The following DROSHA variants were observed in gnomAD, a reference collection of about 807,000 sequenced individuals.
DROSHA encodes the protein ribonuclease 3.
A neutral mutation model predicts 181.9 loss-of-function variants in DROSHA; 56 were observed. That is an observed-to-expected ratio of 0.31 (90% CI 0.25 to 0.38). DROSHA has a LOEUF of 0.38. Among genes scored for constraint, DROSHA ranks in the 10% least tolerant of loss-of-function variants. The pLI is 1.00. For missense variants in DROSHA, 1,218 were observed against 1,743.5 expected, an observed-to-expected ratio of 0.70 and a Z score of 5.37; for synonymous variants, 524 against 591.2, an observed-to-expected ratio of 0.89 and a Z score of 1.65.
chr5:31,507,259 G>A (rs556278757), intron 10 of DROSHA, among the ~76,000 whole-genome samples: 8 of 152,206 alleles, frequency 5.3e-5, no homozygotes, highest in African/African-American at 9.6e-5. Flanking sequence ...TCGGGAGTTC[G>A]AGACCAGCCT....
intron 20 of DROSHA, among the ~76,000 whole-genome samples, chr5:31,459,768 A>G (rs1748171637): frequency 6.6e-6 from 1 of 152,264 alleles, no homozygotes; most frequent in South Asian, 2.1e-4. Context: ...CCAGATGGCC[A>G]CTCTAGGAAG....
intron 11 of DROSHA, among the ~76,000 whole-genome samples, chr5:31,502,388 T>C (rs1400192301): frequency 6.6e-6 from 1 of 152,190 alleles, no homozygotes; most frequent in African/African-American, 2.4e-5. Flanking sequence ...AGACCTGCCA[T>C]CTATAGTGAA....
At chr5:31,529,199 T>C (rs6450850) in intron 3 of DROSHA, 94 bp from the exon 4 acceptor site, 1,090,775 of 1,114,778 alleles carry the variant, frequency 0.98, 534,696 homozygotes, top group African/African-American at 1. Context: ...ACTAATTTTG[T>C]AGTTTCCAAT....
intron 11 of DROSHA, among the ~76,000 whole-genome samples, chr5:31,502,502 C>T (rs1430126131): frequency 6.6e-6 from 1 of 152,208 alleles, no homozygotes; most frequent in Non-Finnish European, 1.5e-5. Context: ...CCAGAACCAC[C>T]CATCATAGGC....
At chr5:31,421,412 A>G (rs1418006192) in intron 29 of DROSHA, 35 bp from the exon 30 acceptor site, 1 of 1,531,638 alleles carries the variant, frequency 6.5e-7, no homozygotes, top group Admixed American at 1.7e-5. Context: ...AGAAATCAAT[A>G]ACCATTTATG....
At chr5:31,518,635 C>T (rs1739528688) in intron 6 of DROSHA, among the ~76,000 whole-genome samples, 1 of 152,300 alleles carries the variant, frequency 6.6e-6, no homozygotes, top group South Asian at 2.1e-4. Context: ...GGCTGGCACC[C>T]TGCTAAGCAC....
At chr5:31,441,137 C>G (rs991336983) in intron 23 of DROSHA, among the ~76,000 whole-genome samples, 12 of 150,932 alleles carry the variant, frequency 8.0e-5, no homozygotes, top group African/African-American at 2.9e-4. Context: ...AAAAAAAGGG[C>G]AGGCCAGGTG....
chr5:31,446,580 A>C (rs1178235004), intron 23 of DROSHA, among the ~76,000 whole-genome samples: 1 of 151,904 alleles, frequency 6.6e-6, no homozygotes, highest in East Asian at 1.9e-4. Context: ...AAATTTAAAA[A>C]GACAGATAAA....
chr5:31,519,208 C>G (rs914579477), intron 6 of DROSHA, among the ~76,000 whole-genome samples: 2 of 152,054 alleles, frequency 1.3e-5, no homozygotes, highest in African/African-American at 4.8e-5. Context: ...ACCATTAAAC[C>G]GAGGCTATTT....
intron 6 of DROSHA, among the ~76,000 whole-genome samples, chr5:31,519,225 C>T: frequency 6.6e-6 from 1 of 152,162 alleles, no homozygotes; most frequent in East Asian, 1.9e-4. Context: ...ATTTCCAGCA[C>T]TTATACATTA....
chr5:31,518,387 A>G (rs146302508), intron 6 of DROSHA, among the ~76,000 whole-genome samples: 11 of 152,352 alleles, frequency 7.2e-5, no homozygotes, highest in Non-Finnish European at 1.5e-4. Flanking sequence ...CTTTTATTAC[A>G]TCACCTTCTT....
At chr5:31,512,746 C>A (rs745412987) in intron 8 of DROSHA, among the ~76,000 whole-genome samples, 2 of 152,168 alleles carry the variant, frequency 1.3e-5, no homozygotes, top group Non-Finnish European at 2.9e-5. Context: ...AAGGACTCGA[C>A]CACCATTGCT....
At chr5:31,484,639 T>TG (rs1751529338) in intron 15 of DROSHA, among the ~76,000 whole-genome samples, 1 of 152,148 alleles carries the variant, frequency 6.6e-6, no homozygotes, top group African/African-American at 2.4e-5. Flanking sequence ...ACATAATAAC[T>TG]GGTACCATCT....
At chr5:31,451,675 T>C (rs774176467) in intron 20 of DROSHA, 35 bp from the exon 21 acceptor site, 1 of 1,472,408 alleles carries the variant, frequency 6.8e-7, no homozygotes, top group Non-Finnish European at 9.3e-7. Flanking sequence ...TTTAACTTTA[T>C]AAAAACTTAT....
intron 19 of DROSHA, 48 bp from the exon 20 acceptor site, chr5:31,464,391 T>C: frequency 6.5e-7 from 1 of 1,544,442 alleles, no homozygotes. Context: ...TATAAAGCAA[T>C]AGTAAGCCAA....
intron 23 of DROSHA, 100 bp from the exon 24 acceptor site, chr5:31,437,398 TA>T: frequency 9.5e-7 from 1 of 1,047,788 alleles, no homozygotes; most frequent in Non-Finnish European, 1.3e-6. Flanking sequence ...TTAGCTCCTT[TA>T]GTAATCAAAC....
rs927967183 is a variant in DROSHA at position 31,424,411 on chromosome 5, G to A, written c.3261+16C>T. On this transcript the variant is annotated intron_variant, in intron 28 of 35. Transcript: ENST00000344624. ...GGAGTTATAAAGCTCACTGCAGACA[G>A]GGAGGTCATACTTACTTGGAGTGGG... 2 of 1,595,570 alleles carry A rather than the reference G, an allele frequency of 1.3e-6. No individual in the cohort carries two copies. Among genetic ancestry groups the A allele is most frequent in the South Asian group, 2.3e-5 (2 of 87,220 alleles).
chr5:31,466,046 G>A (rs962794543), intron 19 of DROSHA, 136 bp downstream of exon 19: 4 of 809,048 alleles, frequency 4.9e-6, no homozygotes, highest in Non-Finnish European at 7.7e-6. Context: ...AATAATGGGG[G>A]GAGGAGGGTA....
chr5:31,443,151 C>T (rs1745817833), intron 23 of DROSHA, among the ~76,000 whole-genome samples: 1 of 151,318 alleles, frequency 6.6e-6, no homozygotes, highest in African/African-American at 2.4e-5. Flanking sequence ...ACCCGAGTAG[C>T]TGGGATTACA....
Sources: gnomAD v4.1 joint callset for allele counts (sites outside exome capture counted in the v4.1 genomes callset) on GRCh38, gnomAD v4.1.1 for gene constraint, MANE v1.5 for transcripts, NCBI Gene and HGNC (gene_info 2026-07-23, HGNC 2026-07-21) for gene names.